PDZRN4: variants seen among roughly 807,000 people sequenced by gnomAD.
PDZRN4 encodes the protein PDZ domain-containing RING finger protein 4.
Under a neutral mutation model 99.0 loss-of-function variants are expected in PDZRN4, and 70 were observed. That is an observed-to-expected ratio of 0.71 (90% CI 0.58 to 0.86). The LOEUF (loss-of-function observed/expected upper bound fraction) is 0.86, where lower values mean the gene tolerates loss of function less well. Among genes scored for constraint, PDZRN4 ranks in the 40% least tolerant of loss-of-function variants. The probability of loss-of-function intolerance (pLI) is 0.00; values close to 1 mark genes in which losing one functional copy is unlikely to be tolerated. For synonymous variants in PDZRN4, 551 were observed against 501.6 expected (o/e 1.10, Z -1.32); for missense variants, 1,474 against 1,331.2 (o/e 1.11, Z -1.67).
intron 3 of PDZRN4, among the ~76,000 whole-genome samples, chr12:41,259,086 G>A (rs148294291): frequency 1.0e-3 from 154 of 152,062 alleles, no homozygotes; most frequent in African/African-American, 3.6e-3. Context: ...TAAAAGACAC[G>A]GGAAGCAAAC....
intron 3 of PDZRN4, among the ~76,000 whole-genome samples, chr12:41,312,718 T>A (rs1951615315): frequency 6.6e-6 from 1 of 152,084 alleles, no homozygotes; most frequent in Non-Finnish European, 1.5e-5. Flanking sequence ...CATGGGAAAG[T>A]CCTGCCCCCG....
intron 3 of PDZRN4, among the ~76,000 whole-genome samples, chr12:41,475,022 C>T (rs1172932274): frequency 2.0e-5 from 3 of 152,086 alleles, no homozygotes; most frequent in African/African-American, 2.4e-5. Flanking sequence ...CTGAATTTCC[C>T]GTTGTACATT....
At chr12:41,210,174 AC>A (rs954797067) in intron 3 of PDZRN4, among the ~76,000 whole-genome samples, 1 of 138,674 alleles carries the variant, frequency 7.2e-6, no homozygotes, top group Non-Finnish European at 1.6e-5. Flanking sequence ...CATATCCTTC[AC>A]CCACTTTTTG....
intron 3 of PDZRN4, among the ~76,000 whole-genome samples, chr12:41,318,717 C>T (rs1215318477): frequency 6.6e-6 from 1 of 152,152 alleles, no homozygotes; most frequent in Non-Finnish European, 1.5e-5. Flanking sequence ...TTCTCCATCA[C>T]CTCCCTTCCC....
chr12:41,250,154 G>C (rs1299682801), intron 3 of PDZRN4, among the ~76,000 whole-genome samples: 1 of 152,108 alleles, frequency 6.6e-6, no homozygotes, highest in Non-Finnish European at 1.5e-5. Context: ...AGTGTCTTCT[G>C]ACCACTCCAG....
At chr12:41,487,338 T>G (rs1229572549) in intron 3 of PDZRN4, among the ~76,000 whole-genome samples, 1 of 152,162 alleles carries the variant, frequency 6.6e-6, no homozygotes, top group Non-Finnish European at 1.5e-5. Context: ...ATTTCCTAAT[T>G]TTCCATTTTA....
chr12:41,539,528 A>G (rs1346486270), intron 5 of PDZRN4, among the ~76,000 whole-genome samples: 5 of 152,106 alleles, frequency 3.3e-5, no homozygotes, highest in South Asian at 2.1e-4. Flanking sequence ...TTTTCCTGTT[A>G]TGATGACCAC....
intron 3 of PDZRN4, among the ~76,000 whole-genome samples, chr12:41,376,819 G>A (rs1952085273): frequency 6.6e-6 from 1 of 152,082 alleles, no homozygotes; most frequent in Admixed American, 6.6e-5. Context: ...GTGTCAAGGA[G>A]TTTTTCCCCT....
intron 3 of PDZRN4, among the ~76,000 whole-genome samples, chr12:41,486,253 T>C (rs1937771306): frequency 6.6e-6 from 1 of 152,174 alleles, no homozygotes; most frequent in Non-Finnish European, 1.5e-5. Context: ...TTTTGTTAAA[T>C]CCAATGTTTG....
intron 3 of PDZRN4, among the ~76,000 whole-genome samples, chr12:41,502,635 C>G (rs1357813998): frequency 6.6e-6 from 1 of 152,000 alleles, no homozygotes; most frequent in Non-Finnish European, 1.5e-5. Flanking sequence ...GGGTATCTAC[C>G]CTTAACTACC....
At chr12:41,517,911 T>C (rs1473482916) in intron 5 of PDZRN4, among the ~76,000 whole-genome samples, 1 of 152,100 alleles carries the variant, frequency 6.6e-6, no homozygotes. Flanking sequence ...TCTCTGACTT[T>C]AGCTTTAGCA....
At chr12:41,297,957 G>A (rs368428531) in intron 3 of PDZRN4, among the ~76,000 whole-genome samples, 3 of 152,304 alleles carry the variant, frequency 2.0e-5, no homozygotes, top group African/African-American at 7.2e-5. Flanking sequence ...CCCTGTTTTA[G>A]ACTTAGTGCT....
At chr12:41,518,415 T>G (rs989804373) in intron 5 of PDZRN4, among the ~76,000 whole-genome samples, 3 of 152,068 alleles carry the variant, frequency 2.0e-5, no homozygotes, top group Non-Finnish European at 4.4e-5. Context: ...TTGCCATTTT[T>G]GGGGGTTTCA....
intron 3 of PDZRN4, among the ~76,000 whole-genome samples, chr12:41,408,959 T>G (rs1952370910): frequency 6.6e-6 from 1 of 151,720 alleles, no homozygotes. Context: ...TCTTTTCCTT[T>G]AAAAACATCT....
At chr12:41,496,033 C>T (rs765397518) in intron 3 of PDZRN4, among the ~76,000 whole-genome samples, 1 of 152,036 alleles carries the variant, frequency 6.6e-6, no homozygotes, top group African/African-American at 2.4e-5. Flanking sequence ...TTGTTTTTCC[C>T]AGATTGTAAG....
In PDZRN4 at chr12:41,572,497, C is replaced by A. The variant is rs139930178; in HGVS notation, c.1718C>A (p.Ala573Glu). ...RNDESSEQEN[A>E]AEDPNSTSLK... Reference sequence around the variant, plus strand: ...GATGAGAGCTCAGAGCAGGAGAATGCAGCCGAGGACCCCAATAGCACATCT... The same window carrying A: ...GATGAGAGCTCAGAGCAGGAGAATGAAGCCGAGGACCCCAATAGCACATCT... The change falls in exon 10 of 10, where the codon GCA (alanine) becomes GAA (glutamate). Residue 573 changes from alanine (A) to glutamate (E), a missense_variant. Coordinates refer to ENST00000402685, the MANE Select transcript of PDZRN4 (RefSeq NM_001164595.2). 7.7e-4 allele frequency: 1,249 copies of A among 1,614,086 alleles called. 12 individuals carry two copies. The highest frequency in any genetic ancestry group is 4.3e-4 in the Admixed American group (26 of 60,018).
At position 41,295,437 on chromosome 12, in the gene PDZRN4, A is replaced by AT. The variant is rs201417863; in HGVS notation, c.843+101258dup. On this transcript the variant is annotated intron_variant, in intron 3 of 9. Coordinates refer to ENST00000402685, the MANE Select transcript of PDZRN4 (RefSeq NM_001164595.2). ...GCTAGAAATTGTTAATTTTGAAGGC[A>AT]TTTTTTTTTCTCTGCAGGACAAAAG... Among the ~76,000 whole-genome samples, 639 of 151,434 alleles carry AT rather than the reference A, an allele frequency of 4.2e-3. 4 individuals carry two copies. The highest frequency in any genetic ancestry group is 6.8e-3 in the Middle Eastern group (2 of 294).
chr12:41,208,458 A>G (rs981148662), intron 3 of PDZRN4, among the ~76,000 whole-genome samples: 1 of 151,884 alleles, frequency 6.6e-6, no homozygotes, highest in African/African-American at 2.4e-5. Flanking sequence ...GCATCAGTTT[A>G]GGGATTTAGC....
chr12:41,416,016 T>A (rs1417703707), intron 3 of PDZRN4, among the ~76,000 whole-genome samples: 1 of 152,216 alleles, frequency 6.6e-6, no homozygotes, highest in Non-Finnish European at 1.5e-5. Flanking sequence ...ATTTCAGTTT[T>A]CTTCCATGAC....
Sources: allele counts gnomAD v4.1 joint callset (sites outside exome capture counted in the v4.1 genomes callset), GRCh38; gene constraint gnomAD v4.1.1; transcripts MANE v1.5; gene names NCBI Gene and HGNC (gene_info 2026-07-23, HGNC 2026-07-21).